The following SGCD variants were observed in gnomAD, a reference collection of about 807,000 sequenced individuals.
SGCD encodes sarcoglycan delta.
SGCD carries 18 observed loss-of-function variants against 36.6 expected under a neutral mutation model. That is an observed-to-expected ratio of 0.49 (90% CI 0.34 to 0.73). The LOEUF (loss-of-function observed/expected upper bound fraction) is 0.73, where lower values mean the gene tolerates loss of function less well. Among genes scored for constraint, SGCD ranks in the 30% least tolerant of loss-of-function variants. The probability of loss-of-function intolerance (pLI) is 0.01; values close to 1 mark genes in which losing one functional copy is unlikely to be tolerated. For missense variants in SGCD, 387 were observed against 346.7 expected, an observed-to-expected ratio of 1.12 and a Z score of -0.92; for synonymous variants, 133 against 130.6, an observed-to-expected ratio of 1.02 and a Z score of -0.12.
chr5:156,610,884 G>T (rs181957719), intron 6 of SGCD, among the ~76,000 whole-genome samples: 2 of 152,226 alleles, frequency 1.3e-5, no homozygotes, highest in Non-Finnish European at 2.9e-5. Flanking sequence ...TGCTAAGACC[G>T]TTGGGAAAGC....
At chr5:156,709,734 G>A (rs1290675128) in intron 7 of SGCD, among the ~76,000 whole-genome samples, 1 of 152,026 alleles carries the variant, frequency 6.6e-6, no homozygotes, top group Non-Finnish European at 1.5e-5. Context: ...AAGAAACGTG[G>A]GTTTGAAAAG....
At chr5:156,078,523 AT>A (rs1192562676) in intron 1 of SGCD, among the ~76,000 whole-genome samples, 1,586 of 121,008 alleles carry the variant, frequency 0.013, 22 homozygotes, top group African/African-American at 0.05. Context: ...AAAAAAAAAT[AT>A]ATATATATAT....
intron 3 of SGCD, chr5:156,393,873 T>C (rs1054804005): frequency 2.6e-5 from 12 of 455,704 alleles, no homozygotes; most frequent in African/African-American, 2.2e-4. Flanking sequence ...CTGGTGAGTT[T>C]TGTACTGTGG....
the SGCD span, among the ~76,000 whole-genome samples, chr5:155,740,462 A>C: frequency 2.0e-5 from 3 of 152,222 alleles, 1 homozygote; most frequent in Admixed American, 2.0e-4. Flanking sequence ...GTTCTTTTTC[A>C]GATGCAAAAA....
chr5:156,671,616 G>A (rs1753297998), intron 7 of SGCD, among the ~76,000 whole-genome samples: 1 of 152,164 alleles, frequency 6.6e-6, no homozygotes, highest in Non-Finnish European at 1.5e-5. Flanking sequence ...CTGCTGGAAA[G>A]TTTTGTGTAC....
At chr5:156,511,280 G>A (rs979191827) in intron 4 of SGCD, among the ~76,000 whole-genome samples, 2 of 152,150 alleles carry the variant, frequency 1.3e-5, no homozygotes. Context: ...CGTAAGTCAT[G>A]TGAGCTCTAC....
chr5:156,612,066 A>T (rs1283852756), intron 6 of SGCD, among the ~76,000 whole-genome samples: 1 of 152,172 alleles, frequency 6.6e-6, no homozygotes, highest in African/African-American at 2.4e-5. Context: ...CAGGAATTCT[A>T]TACATTTTAT....
intron 3 of SGCD, among the ~76,000 whole-genome samples, chr5:156,464,516 G>A (rs1165620318): frequency 2.0e-5 from 3 of 152,022 alleles, no homozygotes; most frequent in Non-Finnish European, 4.4e-5. Context: ...CACCATGCCC[G>A]GCCTTGAATC....
intron 7 of SGCD, chr5:156,739,805 C>T (rs1756574649): frequency 6.6e-6 from 1 of 152,180 alleles, no homozygotes; most frequent in Non-Finnish European, 1.5e-5. Flanking sequence ...TCTCTAAGCA[C>T]ATGGTCTTGG....
At chr5:156,091,120 A>G (rs1488475996) in intron 1 of SGCD, among the ~76,000 whole-genome samples, 1 of 152,242 alleles carries the variant, frequency 6.6e-6, no homozygotes, top group African/African-American at 2.4e-5. Context: ...TAAGAGATTA[A>G]AGACAGGCAC....
In SGCD at chr5:156,005,919, G is replaced by C. The variant is rs184203047; in HGVS notation, c.-281-111959G>C. ...GCACAAGCAGTGTTTTAAGGGCATAGACTTTAGTGCCAGATGGGTGGCCTG... is the reference window on the plus strand; with the variant it reads ...GCACAAGCAGTGTTTTAAGGGCATACACTTTAGTGCCAGATGGGTGGCCTG... On this transcript the variant is annotated intron_variant, in intron 1 of 9. Transcript: ENST00000517913. Among the ~76,000 whole-genome samples, 364 of 152,326 alleles carry C rather than the reference G, an allele frequency of 2.4e-3. 1 individual carries two copies. The highest frequency in any genetic ancestry group is 8.3e-3 in the African/African-American group (346 of 41,576).
chr5:156,034,213 T>G (rs1042686850), intron 1 of SGCD, among the ~76,000 whole-genome samples: 12 of 152,240 alleles, frequency 7.9e-5, no homozygotes, highest in African/African-American at 2.7e-4. Flanking sequence ...TGCAGGTGTT[T>G]CCAGCAGTGA....
intron 1 of SGCD, among the ~76,000 whole-genome samples, chr5:155,892,018 G>A (rs756662867): frequency 3.3e-5 from 5 of 152,030 alleles, no homozygotes; most frequent in Non-Finnish European, 5.9e-5. Flanking sequence ...AAGGTTAGTC[G>A]GCTCATTTTT....
chr5:156,752,546 C>A (rs557953973), intron 7 of SGCD, among the ~76,000 whole-genome samples: 1 of 152,222 alleles, frequency 6.6e-6, no homozygotes, highest in East Asian at 1.9e-4. Context: ...GCACCTGCCA[C>A]CACACCCGGC....
chr5:156,262,042 C>T (rs1047969651), intron 3 of SGCD, among the ~76,000 whole-genome samples: 1 of 152,000 alleles, frequency 6.6e-6, no homozygotes, highest in Admixed American at 6.6e-5. Flanking sequence ...TGACAGTAAG[C>T]TAAGTTTAAT....
chr5:156,152,318 T>C (rs1015561817), intron 3 of SGCD, among the ~76,000 whole-genome samples: 1 of 151,618 alleles, frequency 6.6e-6, no homozygotes, highest in Non-Finnish European at 1.5e-5. Flanking sequence ...ACTGAAGACA[T>C]CGTGGGTCAG....
chr5:156,491,332 C>CA (rs931387318), intron 3 of SGCD, among the ~76,000 whole-genome samples: 7 of 151,964 alleles, frequency 4.6e-5, no homozygotes, highest in Non-Finnish European at 7.4e-5. Context: ...TCACAAAGTA[C>CA]AAAAAACAGT....
At chr5:156,231,952 C>G (rs754646503) in intron 3 of SGCD, among the ~76,000 whole-genome samples, 11 of 152,208 alleles carry the variant, frequency 7.2e-5, no homozygotes, top group Non-Finnish European at 1.3e-4. Flanking sequence ...TCAACTAAGA[C>G]AGCTTGAGGA....
intron 3 of SGCD, among the ~76,000 whole-genome samples, chr5:156,261,168 G>A (rs1273424521): frequency 6.6e-6 from 1 of 152,112 alleles, no homozygotes; most frequent in East Asian, 1.9e-4. Flanking sequence ...TTTATAAAAT[G>A]AATTGGAATT....
Sources: allele counts gnomAD v4.1 joint callset (sites outside exome capture counted in the v4.1 genomes callset), GRCh38; gene constraint gnomAD v4.1.1; transcripts MANE v1.5; gene names NCBI Gene and HGNC (gene_info 2026-07-23, HGNC 2026-07-21).